Variants in RNF122 observed in about 807,000 individuals in gnomAD.
RNF122 encodes ring finger protein 122.
A neutral mutation model predicts 24.2 loss-of-function variants in RNF122; 17 were observed. The ratio of observed to expected loss-of-function variants is 0.70; its 90% CI spans 0.48 to 1.06. The LOEUF (loss-of-function observed/expected upper bound fraction) is 1.06, where lower values mean the gene tolerates loss of function less well. Among genes scored for constraint, RNF122 ranks in the 50% least tolerant of loss-of-function variants. The probability of loss-of-function intolerance (pLI) is 0.00; values close to 1 mark genes in which losing one functional copy is unlikely to be tolerated. For synonymous variants in RNF122, 65 were observed against 71.8 expected (o/e 0.91, Z 0.48); for missense variants, 168 against 198.1 (o/e 0.85, Z 0.91).
intron 1 of RNF122, among the ~76,000 whole-genome samples, chr8:33,565,380 G>GT (rs1810606653): frequency 9.7e-6 from 1 of 103,466 alleles, no homozygotes; most frequent in Non-Finnish European, 2.1e-5. Context: ...TCTAAAGAAT[G>GT]ATTTTTTTCC....
intron 4 of RNF122, among the ~76,000 whole-genome samples, chr8:33,549,824 T>C (rs76470057): frequency 0.026 from 3,939 of 152,282 alleles, 109 homozygotes; most frequent in East Asian, 0.15. Flanking sequence ...CACTGGAAAT[T>C]ACTGTCCTAG....
rs371664678 is a variant in RNF122, at chr8:33,561,115, G to A, written c.26-2344C>T. Among the ~76,000 whole-genome samples the A allele has an allele frequency of 1.0e-4, 15 of 149,548 alleles. No individual in the cohort carries two copies. In the East Asian group the frequency reaches 2.4e-3, roughly 24 times the overall value. On this transcript the variant is annotated intron_variant, in intron 1 of 5. Coordinates refer to ENST00000256257, the MANE Select transcript of RNF122 (RefSeq NM_024787.3). ...GCCACAGTAAAGGTTACTTCCCCCCGCCAATGGGAAAAAGACTCAATCATT... is the reference window on the plus strand; with the variant it reads ...GCCACAGTAAAGGTTACTTCCCCCCACCAATGGGAAAAAGACTCAATCATT...
chr8:33,566,831 G>A lies in RNF122; in HGVS notation c.-108C>T. 1 of 1,270,912 alleles carries A rather than the reference G, an allele frequency of 7.9e-7. No homozygotes were observed. The highest frequency in any genetic ancestry group is 1.1e-6 in the Non-Finnish European group (1 of 895,062). 78.7% of individuals were successfully genotyped at this position (1,270,912 alleles called of 1,614,324 possible). Reference sequence around the variant, plus strand: ...AGGGGCCGCAGGCGGGGTCGGGGCAGCGCGCTGCAGCCGCCCTGCTGGAGA... The same window carrying A: ...AGGGGCCGCAGGCGGGGTCGGGGCAACGCGCTGCAGCCGCCCTGCTGGAGA... On this transcript the variant is annotated 5_prime_UTR_variant, in exon 1 of 6. Transcript: ENST00000256257.
rs549182847 is a variant in RNF122, at chr8:33,551,253, C to T, written c.228+91G>A. On this transcript the variant is annotated intron_variant, in intron 3 of 5. Coordinates refer to ENST00000256257, the MANE Select transcript of RNF122 (RefSeq NM_024787.3). ...ACCCAGAGGTGAGGCCAGGGGGATTCCTGCCCAGGAGAACCTGAGCCTGCC... is the reference window on the plus strand; with the variant it reads ...ACCCAGAGGTGAGGCCAGGGGGATTTCTGCCCAGGAGAACCTGAGCCTGCC... The T allele has an allele frequency of 3.4e-5, 53 of 1,539,178 alleles. No homozygotes were observed. The South Asian group carries it at 4.8e-4, about 14-fold the overall frequency.
chr8:33,551,608 C>A (rs1177498369), intron 2 of RNF122, among the ~76,000 whole-genome samples: 1 of 152,150 alleles, frequency 6.6e-6, no homozygotes, highest in East Asian at 1.9e-4. Flanking sequence ...ACCACCAGGT[C>A]TCATACACAG....
intron 1 of RNF122, among the ~76,000 whole-genome samples, chr8:33,562,591 C>T (rs1810555489): frequency 6.6e-6 from 1 of 150,504 alleles, no homozygotes; most frequent in Non-Finnish European, 1.5e-5. Flanking sequence ...GATGATCTTA[C>T]CACATAGGAA....
intron 4 of RNF122, among the ~76,000 whole-genome samples, chr8:33,549,868 A>AC (rs1340219236): frequency 6.6e-6 from 1 of 151,664 alleles, no homozygotes; most frequent in African/African-American, 2.4e-5. Context: ...TGCCCAATAC[A>AC]TTTGGTGATG....
intron 1 of RNF122, among the ~76,000 whole-genome samples, chr8:33,561,509 C>A (rs1450159734): frequency 6.6e-6 from 1 of 151,904 alleles, no homozygotes. Flanking sequence ...TCTCATTTAC[C>A]CCACACGCCT....
At chr8:33,564,206 CTTCTT>C (rs1475798450) in intron 1 of RNF122, among the ~76,000 whole-genome samples, 1 of 152,102 alleles carries the variant, frequency 6.6e-6, no homozygotes, top group Non-Finnish European at 1.5e-5. Flanking sequence ...GGAAGGGTTG[CTTCTT>C]CACAGGAGTC....
At position 33,558,164 on chromosome 8, in the gene RNF122, G is replaced by T. The variant is rs1416726602; in HGVS notation, c.182+451C>A. On this transcript the variant is annotated intron_variant, in intron 2 of 5. Transcript: ENST00000256257. Reference sequence around the variant, plus strand: ...AAACCAAGTAGCTCTCTAGACACCGGCTTGCTTCCTAATATTAGTATCTGG... The same window carrying T: ...AAACCAAGTAGCTCTCTAGACACCGTCTTGCTTCCTAATATTAGTATCTGG... 3.3e-5 allele frequency among the ~76,000 whole-genome samples: 5 copies of T among 152,068 alleles called. 1 individual carries two copies. In the South Asian group the frequency reaches 1.0e-3, roughly 32 times the overall value.
intron 1 of RNF122, among the ~76,000 whole-genome samples, chr8:33,563,214 G>T (rs1424775818): frequency 6.6e-6 from 1 of 151,810 alleles, no homozygotes; most frequent in Admixed American, 6.6e-5. Context: ...AGTTTGGCTT[G>T]TTCTCAATAA....
intron 4 of RNF122, among the ~76,000 whole-genome samples, chr8:33,550,485 G>A (rs1291946584): frequency 6.6e-6 from 1 of 152,084 alleles, no homozygotes; most frequent in East Asian, 1.9e-4. Context: ...AATGGGTTAG[G>A]TGACCTTAGA....
chr8:33,549,941 T>C (rs1810346062), intron 4 of RNF122, among the ~76,000 whole-genome samples: 1 of 151,638 alleles, frequency 6.6e-6, no homozygotes, highest in Non-Finnish European at 1.5e-5. Flanking sequence ...TTATGTTTTT[T>C]TTTTTTTTTG....
intron 1 of RNF122, among the ~76,000 whole-genome samples, chr8:33,559,325 A>AT (rs1332094177): frequency 1.3e-5 from 2 of 151,666 alleles, no homozygotes; most frequent in Non-Finnish European, 2.9e-5. Context: ...AAATTAAAAA[A>AT]AAAAAAGAAT....
Position 33,551,337 on chromosome 8 carries a change from A to C in RNF122, c.228+7T>G. The stretch of plus-strand genomic sequence containing the variant: ...AGGAAGCTTCTGGGAAACACGCAGC[A>C]CTTTACCTCCTTATATCCGTATCGC... On this transcript the variant is annotated splice_region_variant and intron_variant, in intron 3 of 5. Transcript: ENST00000256257. 1 of 1,614,110 alleles carries C rather than the reference A, an allele frequency of 6.2e-7. No homozygotes were observed. The highest frequency in any genetic ancestry group is 1.1e-5 in the South Asian group (1 of 91,076).
chr8:33,551,303 A>G, intron 3 of RNF122, 41 bp downstream of exon 3: 1 of 1,609,908 alleles, frequency 6.2e-7, no homozygotes, highest in Non-Finnish European at 8.5e-7. Flanking sequence ...CTATCAGGTC[A>G]GGCAGAGAAG....
intron 1 of RNF122, 72 bp from the exon 2 acceptor site, chr8:33,558,843 G>A: frequency 1.6e-6 from 2 of 1,272,998 alleles, no homozygotes; most frequent in Non-Finnish European, 2.1e-6. Context: ...TGTGTCAGCA[G>A]GATAGAAATA....
intron 1 of RNF122, among the ~76,000 whole-genome samples, chr8:33,560,127 C>A (rs1563370281): frequency 6.6e-6 from 1 of 152,066 alleles, no homozygotes; most frequent in Non-Finnish European, 1.5e-5. Context: ...CAGGCATGAG[C>A]CACGGCACCT....
intron 2 of RNF122, among the ~76,000 whole-genome samples, chr8:33,557,108 C>T (rs1177037200): frequency 7.9e-5 from 12 of 152,206 alleles, no homozygotes; most frequent in Non-Finnish European, 1.8e-4. Context: ...CTGATGTCTA[C>T]CCAAGCATTT....
Sources: gnomAD v4.1 joint callset for allele counts (sites outside exome capture counted in the v4.1 genomes callset) on GRCh38, gnomAD v4.1.1 for gene constraint, MANE v1.5 for transcripts, NCBI Gene and HGNC (gene_info 2026-07-23, HGNC 2026-07-21) for gene names.